The following ZRANB2 variants were observed in gnomAD, a reference collection of about 807,000 sequenced individuals.
ZRANB2 encodes the protein zinc finger Ran-binding domain-containing protein 2.
Under a neutral mutation model 53.4 loss-of-function variants are expected in ZRANB2, and 19 were observed. The ratio of observed to expected loss-of-function variants is 0.36; its 90% CI spans 0.25 to 0.52. The LOEUF is 0.52. Among genes scored for constraint, ZRANB2 ranks in the 20% least tolerant of loss-of-function variants. The probability of loss-of-function intolerance (pLI) is 0.93; values close to 1 mark genes in which losing one functional copy is unlikely to be tolerated. For synonymous variants in ZRANB2, 145 were observed against 134.8 expected (o/e 1.08, Z -0.52); for missense variants, 309 against 401.1 (o/e 0.77, Z 1.96).
intron 9 of ZRANB2, chr1:71,065,808 T>G: frequency 6.3e-7 from 1 of 1,598,478 alleles, no homozygotes. Flanking sequence ...CTAGGGGGAT[T>G]ATATGTGGCT....
Position 71,076,782 on chromosome 1 carries a change from G to C in ZRANB2, c.301+13C>G. The C allele has an allele frequency of 1.3e-6, 2 of 1,576,404 alleles. No homozygotes were observed. The highest frequency in any genetic ancestry group is 1.7e-6 in the Non-Finnish European group (2 of 1,151,030). Reference sequence around the variant, plus strand: ...AAAAAAAATCATTTAGTTACAATGTGGTTTTATCATACCTGTTCTTTCTTC... The same window carrying C: ...AAAAAAAATCATTTAGTTACAATGTCGTTTTATCATACCTGTTCTTTCTTC... On this transcript the variant is annotated intron_variant, in intron 4 of 9. Transcript: ENST00000370920.
chr1:71,079,688 G>A (rs765606306), intron 1 of ZRANB2, among the ~76,000 whole-genome samples: 1 of 152,106 alleles, frequency 6.6e-6, no homozygotes, highest in Non-Finnish European at 1.5e-5. Flanking sequence ...GAGTTGAAAT[G>A]AACTCTCATT....
intron 3 of ZRANB2, among the ~76,000 whole-genome samples, chr1:71,077,670 A>G (rs1367515323): frequency 6.6e-6 from 1 of 152,182 alleles, no homozygotes; most frequent in East Asian, 1.9e-4. Context: ...CCTGGGCAAC[A>G]TGGTAAAACC....
chr1:71,076,789 T>C lies in ZRANB2; in HGVS notation c.301+6A>G, dbSNP rs769250813. ...ATCATTTAGTTACAATGTGGTTTTA[T>C]CATACCTGTTCTTTCTTCTAATTTA... On this transcript the variant is annotated splice_donor_region_variant and intron_variant, in intron 4 of 9. Transcript: ENST00000370920. 1.9e-5 allele frequency: 30 copies of C among 1,597,514 alleles called. No homozygotes were observed. Among genetic ancestry groups the C allele is most frequent in the Middle Eastern group, 3.4e-4 (2 of 5,970 alleles).
chr1:71,068,372 C>T (rs566898112), intron 8 of ZRANB2, among the ~76,000 whole-genome samples: 3 of 152,232 alleles, frequency 2.0e-5, no homozygotes, highest in African/African-American at 7.2e-5. Context: ...GCCTTTAGGT[C>T]ATAATAAATT....
Position 71,064,994 on chromosome 1 carries a change from G to T in ZRANB2, c.*80C>A. ...CTCTACTAGCAGATTTAGCACTTCT[G>T]ACCAAGTAAGACACCAACTTCTTTA... On this transcript the variant is annotated 3_prime_UTR_variant, in exon 10 of 10. Transcript: ENST00000370920. 1 of 998,746 alleles carries T rather than the reference G, an allele frequency of 1.0e-6. No homozygotes were observed. Among genetic ancestry groups the T allele is most frequent in the South Asian group, 1.6e-5 (1 of 63,886 alleles). 61.9% of individuals were successfully genotyped at this position (998,746 alleles called of 1,614,324 possible).
At chr1:71,074,683 A>C (rs1254475637) in intron 4 of ZRANB2, among the ~76,000 whole-genome samples, 1 of 152,158 alleles carries the variant, frequency 6.6e-6, no homozygotes, top group East Asian at 1.9e-4. Flanking sequence ...AGCTGACAAA[A>C]ACAAAAATAA....
chr1:71,067,132 G>C lies in ZRANB2; in HGVS notation c.771-198C>G, dbSNP rs59019236. 15 of 443,156 alleles carry C rather than the reference G, an allele frequency of 3.4e-5. No individual in the cohort carries two copies. In the East Asian group the frequency reaches 4.7e-4, roughly 14 times the overall value. 27.5% of individuals were successfully genotyped at this position (443,156 alleles called of 1,614,324 possible). A position where few individuals can be genotyped will look rare whatever the true frequency, so the allele number is the denominator to read the frequency against. On this transcript the variant is annotated intron_variant, in intron 8 of 9. Transcript: ENST00000370920. ...CATTCTACTTAAACATTTTAATTTT[G>C]TCTCTTTAAAATTCTATCATGTGTA... is the stretch of plus-strand genomic sequence containing the variant.
chr1:71,076,743 A>G (rs1217530706), intron 4 of ZRANB2, 52 bp downstream of exon 4: 1 of 1,333,354 alleles, frequency 7.5e-7, no homozygotes, highest in Admixed American at 1.8e-5. Flanking sequence ...TATCGTTTCA[A>G]TATTTAGTGC....
intron 4 of ZRANB2, among the ~76,000 whole-genome samples, chr1:71,075,833 G>C (rs1335432000): frequency 6.6e-6 from 1 of 151,822 alleles, no homozygotes; most frequent in Non-Finnish European, 1.5e-5. Flanking sequence ...AGTGGCGGTT[G>C]GGCTGGGGAA....
chr1:71,074,915 C>G (rs538505409), intron 4 of ZRANB2, among the ~76,000 whole-genome samples: 1 of 152,216 alleles, frequency 6.6e-6, no homozygotes, highest in African/African-American at 2.4e-5. Flanking sequence ...TCAACTGTTA[C>G]CAGCAAAGAC....
chr1:71,080,640 T>G (rs993990372), intron 1 of ZRANB2, among the ~76,000 whole-genome samples: 11 of 75,972 alleles, frequency 1.4e-4, no homozygotes, highest in Non-Finnish European at 2.4e-4. Flanking sequence ...CGCTAAAACC[T>G]GGCCGGGGCG....
intron 4 of ZRANB2, among the ~76,000 whole-genome samples, chr1:71,072,754 T>C (rs1557792807): frequency 6.6e-6 from 1 of 152,138 alleles, no homozygotes; most frequent in African/African-American, 2.4e-5. Context: ...GCTGTACTTC[T>C]AGCTCTTTTC....
In ZRANB2 at chr1:71,071,003, A is replaced by T; in HGVS notation, c.514-7T>A. The T allele has an allele frequency of 6.5e-7, 1 of 1,546,408 alleles. No individual in the cohort carries two copies. The highest frequency in any genetic ancestry group is 8.7e-7 in the Non-Finnish European group (1 of 1,150,230). ...CGTCATCTTCATCCTCATCCTAACA[A>T]AAATTCAATTATAATTAGACATTTA... On this transcript the variant is annotated splice_polypyrimidine_tract_variant and splice_region_variant and intron_variant, in intron 6 of 9. Coordinates refer to ENST00000370920, the MANE Select transcript of ZRANB2 (RefSeq NM_203350.3).
chr1:71,072,117 T>A lies in ZRANB2; in HGVS notation c.513+4A>T, dbSNP rs750307644. The A allele has an allele frequency of 1.4e-5, 23 of 1,602,540 alleles. No individual in the cohort carries two copies. Among genetic ancestry groups the A allele is most frequent in the Non-Finnish European group, 1.9e-5 (22 of 1,176,900 alleles). On this transcript the variant is annotated splice_donor_region_variant and intron_variant, in intron 6 of 9. Transcript: ENST00000370920. ...AAGGGAAATAGGACAAGAAAATTGT[T>A]CACCTCATCTAACTTATATTTAGAA...
intron 9 of ZRANB2, chr1:71,066,028 G>C (rs2101039683): frequency 3.9e-6 from 1 of 255,502 alleles, no homozygotes; most frequent in Non-Finnish European, 7.4e-6. Flanking sequence ...GCAATTAATA[G>C]ACTTTACATA....
chr1:71,067,820 C>T, intron 8 of ZRANB2: 1 of 343,026 alleles, frequency 2.9e-6, no homozygotes, highest in Non-Finnish European at 5.7e-6. Context: ...CTATAAAGCG[C>T]TTAAATATTG....
Position 71,063,429 on chromosome 1 carries a change from A to T in ZRANB2, c.*1645T>A, listed in dbSNP as rs1001778204. 1 of 152,486 alleles carries T rather than the reference A, an allele frequency of 6.6e-6. No individual in the cohort carries two copies. The highest frequency in any genetic ancestry group is 1.5e-5 in the Non-Finnish European group (1 of 67,916). The allele number at this position is 152,486 out of a possible 1,614,324, so 9.4% of individuals were successfully genotyped here. ...GCTTAGTTAAACCAAATGAAATCAT[A>T]ATCATCAGAATTGTCTGTAAACTAC... On this transcript the variant is annotated 3_prime_UTR_variant, in exon 10 of 10. Transcript: ENST00000370920.
At chr1:71,079,267 T>G (rs1248772674) in intron 1 of ZRANB2, among the ~76,000 whole-genome samples, 1 of 152,164 alleles carries the variant, frequency 6.6e-6, no homozygotes, top group Non-Finnish European at 1.5e-5. Flanking sequence ...CTCAAACCTC[T>G]GAGACTTCGC....
Sources: allele counts gnomAD v4.1 joint callset (sites outside exome capture counted in the v4.1 genomes callset), GRCh38; gene constraint gnomAD v4.1.1; transcripts MANE v1.5; gene names NCBI Gene and HGNC (gene_info 2026-07-23, HGNC 2026-07-21).